Variants in RBMS1 observed in about 807,000 individuals in gnomAD.
RBMS1 encodes the protein RNA binding motif single stranded interacting protein 1, also known as RNA-binding motif, single-stranded-interacting protein 1.
RBMS1 carries 17 observed loss-of-function variants against 62.3 expected under a neutral mutation model. The observed-to-expected ratio is 0.27, with a 90% CI of 0.19 to 0.41. The LOEUF is 0.41. Among genes scored for constraint, RBMS1 ranks in the 10% least tolerant of loss-of-function variants. The pLI, the probability that RBMS1 is intolerant of heterozygous loss-of-function variation, is 1.00. For synonymous variants in RBMS1, 172 were observed against 170.0 expected (o/e 1.01, Z -0.09); for missense variants, 334 against 504.5 (o/e 0.66, Z 3.24).
chr2:160,467,589 C>T (rs998718829), intron 1 of RBMS1, among the ~76,000 whole-genome samples: 1 of 152,204 alleles, frequency 6.6e-6, no homozygotes. Flanking sequence ...TTTGGTCCCA[C>T]TGGCAGTCAA....
At chr2:160,492,434 T>A (rs1002088522) in intron 1 of RBMS1, among the ~76,000 whole-genome samples, 3 of 152,206 alleles carry the variant, frequency 2.0e-5, no homozygotes, top group African/African-American at 7.2e-5. Flanking sequence ...CTACATGTCA[T>A]CAACTGTTGT....
intron 1 of RBMS1, among the ~76,000 whole-genome samples, chr2:160,442,879 CTTGT>C (rs1176526793): frequency 4.6e-5 from 7 of 152,138 alleles, no homozygotes. Flanking sequence ...TTTTCTCCTT[CTTGT>C]TTCTTTTTAA....
chr2:160,326,781 AC>A (rs1399881944), intron 2 of RBMS1, among the ~76,000 whole-genome samples: 1 of 152,214 alleles, frequency 6.6e-6, no homozygotes, highest in East Asian at 1.9e-4. Context: ...GAAAGGCTCT[AC>A]AGGGCAGGAG....
At chr2:160,332,454 G>T (rs1691333854) in intron 2 of RBMS1, among the ~76,000 whole-genome samples, 1 of 151,980 alleles carries the variant, frequency 6.6e-6, no homozygotes, top group Non-Finnish European at 1.5e-5. Context: ...CAAACAACAG[G>T]GGGAGGCATC....
At chr2:160,482,919 C>G (rs1685427194) in intron 1 of RBMS1, among the ~76,000 whole-genome samples, 1 of 152,132 alleles carries the variant, frequency 6.6e-6, no homozygotes, top group Admixed American at 6.5e-5. Context: ...ACAGTCAAAT[C>G]AAATTTTGAA....
In RBMS1 at chr2:160,470,198, G is replaced by C. The variant is rs1684861205; in HGVS notation, c.75+23091C>G. On this transcript the variant is annotated intron_variant, in intron 1 of 13. Transcript: ENST00000348849. Reference sequence around the variant, plus strand: ...GTATGTTAATTATCTGTATTATAGAGTTTTTCGATTGTCAGTAGAAAACAA... The same window carrying C: ...GTATGTTAATTATCTGTATTATAGACTTTTTCGATTGTCAGTAGAAAACAA... Among the ~76,000 whole-genome samples the C allele has an allele frequency of 5.3e-5, 8 of 152,114 alleles. No homozygotes were observed. In the South Asian group the frequency reaches 1.5e-3, roughly 28 times the overall value.
chr2:160,292,107 T>C (rs1034794301), intron 6 of RBMS1, among the ~76,000 whole-genome samples: 2 of 151,986 alleles, frequency 1.3e-5, no homozygotes, highest in African/African-American at 2.4e-5. Context: ...TCTTAATCTT[T>C]TTTAATTCCA....
At chr2:160,388,341 C>T (rs1694688501) in intron 1 of RBMS1, among the ~76,000 whole-genome samples, 1 of 152,144 alleles carries the variant, frequency 6.6e-6, no homozygotes. Context: ...ATGCCCCCCA[C>T]ATTGTTTTTG....
intron 3 of RBMS1, 139 bp downstream of exon 3, chr2:160,318,030 G>T: frequency 7.6e-7 from 1 of 1,307,708 alleles, no homozygotes; most frequent in Non-Finnish European, 1.0e-6. Context: ...TGCTGACACT[G>T]TGCAAGACAG....
chr2:160,493,577 C>T lies in RBMS1; in HGVS notation c.-214G>A, dbSNP rs1392543867. 3 of 600,530 alleles carry T rather than the reference C, an allele frequency of 5.0e-6. No individual in the cohort carries two copies. The Admixed American group carries it at 8.8e-5, about 18-fold the overall frequency. 37.2% of individuals were successfully genotyped at this position (600,530 alleles called of 1,614,324 possible). On this transcript the variant is annotated 5_prime_UTR_variant, in exon 1 of 14. Transcript: ENST00000348849. ...TCCTCCTCCTCCTCCTCCTCTTCCT[C>T]CTCCTCCTCCTCCTCCCAGGCAGAA...
intron 2 of RBMS1, among the ~76,000 whole-genome samples, chr2:160,364,210 G>C (rs1693278282): frequency 6.6e-6 from 1 of 152,178 alleles, no homozygotes; most frequent in African/African-American, 2.4e-5. Flanking sequence ...TGGCTACCTG[G>C]ATTGTTCCAT....
At chr2:160,356,095 A>G (rs1041251040) in intron 2 of RBMS1, among the ~76,000 whole-genome samples, 1 of 152,090 alleles carries the variant, frequency 6.6e-6, no homozygotes, top group Admixed American at 6.6e-5. Flanking sequence ...CCCCTAAAAA[A>G]TTGTTTCTTT....
chr2:160,465,667 C>T (rs1407694508), intron 1 of RBMS1, among the ~76,000 whole-genome samples: 1 of 152,160 alleles, frequency 6.6e-6, no homozygotes, highest in Non-Finnish European at 1.5e-5. Context: ...GCAGAATCTT[C>T]TCTTCTCTCT....
At chr2:160,311,232 C>CTATCTA (rs1381483574) in intron 4 of RBMS1, among the ~76,000 whole-genome samples, 4,392 of 79,070 alleles carry the variant, frequency 0.056, 165 homozygotes, top group South Asian at 0.079. Context: ...ATCTATCTAT[C>CTATCTA]TATATATATA....
intron 2 of RBMS1, among the ~76,000 whole-genome samples, chr2:160,352,135 AT>A (rs758840962): frequency 8.5e-5 from 13 of 152,126 alleles, no homozygotes; most frequent in Middle Eastern, 3.2e-3. Flanking sequence ...GAAATTGAGT[AT>A]TCATTAGAGT....
intron 1 of RBMS1, among the ~76,000 whole-genome samples, chr2:160,419,733 G>A (rs529288746): frequency 3.3e-5 from 5 of 152,186 alleles, no homozygotes; most frequent in South Asian, 2.1e-4. Context: ...CTACATAGCC[G>A]GTTATAAGTT....
At chr2:160,370,504 A>C (rs1381173609) in intron 1 of RBMS1, among the ~76,000 whole-genome samples, 1 of 152,158 alleles carries the variant, frequency 6.6e-6, no homozygotes, top group African/African-American at 2.4e-5. Flanking sequence ...CTTTACATAC[A>C]TTACCATACT....
At chr2:160,390,119 C>G (rs891404123) in intron 1 of RBMS1, among the ~76,000 whole-genome samples, 7 of 152,176 alleles carry the variant, frequency 4.6e-5, no homozygotes, top group Non-Finnish European at 8.8e-5. Flanking sequence ...CAACCCATCC[C>G]TTTCTCAAGA....
chr2:160,426,698 TG>T (rs1682641964), intron 1 of RBMS1, among the ~76,000 whole-genome samples: 1 of 152,212 alleles, frequency 6.6e-6, no homozygotes, highest in Non-Finnish European at 1.5e-5. Flanking sequence ...AACAGATTTT[TG>T]ACAAGATGGT....
Sources: allele counts gnomAD v4.1 joint callset (sites outside exome capture counted in the v4.1 genomes callset), GRCh38; gene constraint gnomAD v4.1.1; transcripts MANE v1.5; gene names NCBI Gene and HGNC (gene_info 2026-07-23, HGNC 2026-07-21).